The following EPG5 variants were observed in gnomAD, a reference collection of about 807,000 sequenced individuals.
The protein encoded by EPG5 is ectopic P granules protein 5 homolog.
Under a neutral mutation model 302.7 loss-of-function variants are expected in EPG5, and 159 were observed. That is an observed-to-expected ratio of 0.53 (90% CI 0.46 to 0.60). The LOEUF (loss-of-function observed/expected upper bound fraction) is 0.60. EPG5 is among the 20% of genes least tolerant of loss of function. The probability of loss-of-function intolerance (pLI) is 0.00; values close to 1 mark genes in which losing one functional copy is unlikely to be tolerated. For missense variants in EPG5, 2,896 were observed against 3,092.4 expected (o/e 0.94, Z 1.51); for synonymous variants, 1,158 against 1,136.8 (o/e 1.02, Z -0.37).
intron 1 of EPG5, among the ~76,000 whole-genome samples, chr18:45,962,039 A>C (rs903494515): frequency 1.3e-5 from 2 of 151,102 alleles, no homozygotes; most frequent in African/African-American, 4.9e-5. Context: ...CTTGAATGTT[A>C]AGCTCCACTA....
Position 45,860,117 on chromosome 18 carries a change from G to A in EPG5, c.6996C>T (p.Ala2332=), listed in dbSNP as rs149296561. 11 of 1,614,220 alleles carry A rather than the reference G, an allele frequency of 6.8e-6. No homozygotes were observed. Among genetic ancestry groups the A allele is most frequent in the Middle Eastern group, 3.3e-4 (2 of 6,048 alleles). ...MAETTEACIT[A]YFKESPLNQN... is the part of the protein sequence containing the mutation. ...ACCTCCTCTTACTTTCTTTGAAGTA[G>A]GCAGTGATGCAGGCTTCTGTAGTCT... Residue 2332 remains alanine, a synonymous_variant, in exon 40 of 44, where the codon GCC becomes GCT. Coordinates refer to ENST00000282041, the MANE Select transcript of EPG5 (RefSeq NM_020964.3).
intron 1 of EPG5, among the ~76,000 whole-genome samples, chr18:45,958,758 C>G (rs2051084994): frequency 6.6e-6 from 1 of 152,232 alleles, no homozygotes; most frequent in South Asian, 2.1e-4. Flanking sequence ...AGCCTTCTTA[C>G]ATATGGCACC....
chr18:45,913,268 T>G (rs901709135), intron 21 of EPG5, among the ~76,000 whole-genome samples: 2 of 152,144 alleles, frequency 1.3e-5, no homozygotes, highest in Non-Finnish European at 1.5e-5. Flanking sequence ...GCAAAATCTA[T>G]ACTAAAATAG....
chr18:45,936,455 C>T (rs1224854256), intron 10 of EPG5, among the ~76,000 whole-genome samples: 2 of 151,930 alleles, frequency 1.3e-5, no homozygotes, highest in Non-Finnish European at 2.9e-5. Context: ...TGGCTGGATG[C>T]GGTGGCTCAC....
At chr18:45,940,936 T>C (rs2050652352) in intron 9 of EPG5, among the ~76,000 whole-genome samples, 2 of 152,212 alleles carry the variant, frequency 1.3e-5, no homozygotes, top group African/African-American at 4.8e-5. Context: ...AACACTACGT[T>C]ACAATGTTAA....
rs762993371 is a variant in EPG5, at chr18:45,915,494, C to T, written c.3693+17G>A. On this transcript the variant is annotated intron_variant, in intron 20 of 43. Transcript: ENST00000282041. ...GTTCACAAAGATAACAAATGATCCT[C>T]TCAGTGAGTTTCCTACCTGAGTGGG... 4 of 1,547,660 alleles carry T rather than the reference C, an allele frequency of 2.6e-6. No individual in the cohort carries two copies. Among genetic ancestry groups the T allele is most frequent in the Non-Finnish European group, 3.6e-6 (4 of 1,120,470 alleles).
chr18:45,945,141 A>G (rs981639009), intron 7 of EPG5, among the ~76,000 whole-genome samples: 1 of 152,198 alleles, frequency 6.6e-6, no homozygotes, highest in Non-Finnish European at 1.5e-5. Context: ...CTAAGGCAAA[A>G]TCATTCATAA....
chr18:45,824,096 G>C, the EPG5 span, among the ~76,000 whole-genome samples: 1 of 152,254 alleles, frequency 6.6e-6, no homozygotes, highest in Non-Finnish European at 1.5e-5. Flanking sequence ...AAGATGGCTT[G>C]GGAACTGTGG....
intron 20 of EPG5, 106 bp downstream of exon 20, chr18:45,915,405 G>A (rs948927498): frequency 2.5e-6 from 2 of 792,064 alleles, no homozygotes; most frequent in Non-Finnish European, 4.2e-6. Context: ...ACTAGAATAA[G>A]TGCTAAATAA....
intron 11 of EPG5, among the ~76,000 whole-genome samples, chr18:45,933,215 A>C (rs1179286032): frequency 6.6e-6 from 1 of 152,206 alleles, no homozygotes; most frequent in Non-Finnish European, 1.5e-5. Flanking sequence ...GGTCTAATAG[A>C]AGCACTGCCC....
rs927452612 is a variant in EPG5, at chr18:45,948,617, T to A, written c.1498-41A>T. 2.7e-6 allele frequency: 4 copies of A among 1,500,932 alleles called. No homozygotes were observed. In the Admixed American group the frequency reaches 5.1e-5, roughly 19 times the overall value. The allele number at this position is 1,500,932 out of a possible 1,614,324, so 93.0% of individuals were successfully genotyped here. ...CAAAAAGCATACTGTAGAAAACAAA[T>A]AACCCAAGTGTCCATAATCTTGGTT... On this transcript the variant is annotated intron_variant, in intron 5 of 43. Coordinates refer to ENST00000282041, the MANE Select transcript of EPG5 (RefSeq NM_020964.3).
chr18:45,951,514 A>T (rs1450190766), intron 3 of EPG5, among the ~76,000 whole-genome samples: 1 of 151,162 alleles, frequency 6.6e-6, no homozygotes, highest in East Asian at 1.9e-4. Context: ...GCTGGAATGC[A>T]GTGGCGCAAT....
At chr18:45,929,728 A>G (rs1238347100) in intron 12 of EPG5, among the ~76,000 whole-genome samples, 3 of 152,174 alleles carry the variant, frequency 2.0e-5, no homozygotes, top group African/African-American at 7.2e-5. Flanking sequence ...CTGTGAAAAT[A>G]TGTCTTCTCT....
chr18:45,875,087 G>C (rs1321733290), intron 35 of EPG5, among the ~76,000 whole-genome samples: 1 of 152,100 alleles, frequency 6.6e-6, no homozygotes, highest in Non-Finnish European at 1.5e-5. Flanking sequence ...AGTGAGTTTG[G>C]GGTTTCATTT....
chr18:45,905,721 G>A (rs2049733409), intron 24 of EPG5, among the ~76,000 whole-genome samples: 1 of 152,146 alleles, frequency 6.6e-6, no homozygotes, highest in Non-Finnish European at 1.5e-5. Flanking sequence ...CCAAGCAAGG[G>A]CTGACTTAAA....
At chr18:45,945,495 C>G (rs916447793) in intron 7 of EPG5, among the ~76,000 whole-genome samples, 1 of 152,120 alleles carries the variant, frequency 6.6e-6, no homozygotes, top group African/African-American at 2.4e-5. Flanking sequence ...TTAGGGAGTG[C>G]TAAACAGGAG....
At chr18:45,860,534 G>C (rs891177065) in intron 39 of EPG5, among the ~76,000 whole-genome samples, 188 bp from the exon 40 acceptor site, 3 of 152,198 alleles carry the variant, frequency 2.0e-5, no homozygotes, top group Non-Finnish European at 4.4e-5. Context: ...TGCGGCACAC[G>C]GTTACTAAGA....
At chr18:45,946,809 G>A in intron 6 of EPG5, 41 bp from the exon 7 acceptor site, 2 of 1,475,968 alleles carry the variant, frequency 1.4e-6, no homozygotes, top group South Asian at 2.3e-5. Flanking sequence ...TTAGATGTAG[G>A]CTACGTGAGT....
At chr18:45,817,645 A>G in the EPG5 span, among the ~76,000 whole-genome samples, 1 of 152,196 alleles carries the variant, frequency 6.6e-6, no homozygotes, top group East Asian at 1.9e-4. Flanking sequence ...TCAGGCCCTC[A>G]CTGCTATTGG....
Sources: allele counts gnomAD v4.1 joint callset (sites outside exome capture counted in the v4.1 genomes callset), GRCh38; gene constraint gnomAD v4.1.1; transcripts MANE v1.5; gene names NCBI Gene and HGNC (gene_info 2026-07-23, HGNC 2026-07-21).